NCOA5: variants seen among roughly 807,000 people sequenced by gnomAD.
NCOA5 encodes the protein nuclear receptor coactivator 5, also known as NCoA-5.
Under a neutral mutation model 59.0 loss-of-function variants are expected in NCOA5, and 12 were observed. The observed-to-expected ratio is 0.20, with a 90% confidence interval of 0.13 to 0.33. The LOEUF (loss-of-function observed/expected upper bound fraction) is 0.33. Among genes scored for constraint, NCOA5 ranks in the 10% least tolerant of loss-of-function variants. The probability of loss-of-function intolerance (pLI) is 1.00; values close to 1 mark genes in which losing one functional copy is unlikely to be tolerated. For missense variants in NCOA5, 655 were observed against 766.6 expected, an observed-to-expected ratio of 0.85 and a Z score of 1.72; for synonymous variants, 270 against 275.5, an observed-to-expected ratio of 0.98 and a Z score of 0.20.
At chr20:46,081,674 A>G (rs748887179) in intron 1 of NCOA5, among the ~76,000 whole-genome samples, 7 of 152,074 alleles carry the variant, frequency 4.6e-5, no homozygotes, top group Admixed American at 6.6e-5. Flanking sequence ...GGTTTAGTAA[A>G]CTTTTAGTGT....
intron 2 of NCOA5, among the ~76,000 whole-genome samples, chr20:46,071,372 C>T (rs144946883): frequency 6.6e-6 from 1 of 152,294 alleles, no homozygotes; most frequent in East Asian, 1.9e-4. Flanking sequence ...GTTTTAAGTT[C>T]TTGAATATTA....
At chr20:46,089,618 G>A (rs1033749712) in intron 1 of NCOA5, among the ~76,000 whole-genome samples, 199 bp downstream of exon 1, 15 of 151,938 alleles carry the variant, frequency 9.9e-5, no homozygotes, top group African/African-American at 3.1e-4. Context: ...GGCCGGGCCT[G>A]GGCCTGACGG....
At position 46,063,511 on chromosome 20, in the gene NCOA5, T is replaced by A; in HGVS notation, c.999A>T (p.Gly333=). The change falls in exon 7 of 8, where the codon GGA becomes GGT. Residue 333 remains glycine, a synonymous_variant. Coordinates refer to ENST00000290231, the MANE Select transcript of NCOA5 (RefSeq NM_020967.3). ...QERERGGPEE[G]VRGGHPPAIQ... ...TGGCTGGAGGGTGGCCCCCACGCAC[T>A]CCCTCCTCAGGGCCTCCTCTCTCTC... The A allele has an allele frequency of 6.2e-7, 1 of 1,614,158 alleles. No individual in the cohort carries two copies.
chr20:46,082,754 G>A (rs1476386473), intron 1 of NCOA5, among the ~76,000 whole-genome samples: 1 of 152,056 alleles, frequency 6.6e-6, no homozygotes. Flanking sequence ...TCTCAGTTAA[G>A]AATTTTTAGA....
At chr20:46,066,789 A>G (rs1286437778) in intron 5 of NCOA5, among the ~76,000 whole-genome samples, 1 of 152,208 alleles carries the variant, frequency 6.6e-6, no homozygotes, top group African/African-American at 2.4e-5. Flanking sequence ...AGAGACTAAC[A>G]CAGAGACCAA....
At position 46,067,156 on chromosome 20, in the gene NCOA5, A is replaced by T. The variant is rs1568878486; in HGVS notation, c.528T>A (p.Arg176=). The T allele has an allele frequency of 6.2e-7, 1 of 1,613,984 alleles. No homozygotes were observed. ...AATATTGACGATAAAGCTCTTCTCT[A>T]CGCCGTTCCTCACGTTTCAAACGCT... ...AKERLKREER[R]REELYRQYFE... The change falls in exon 5 of 8, where the codon CGT becomes CGA. Residue 176 remains arginine (R), a synonymous_variant. Transcript: ENST00000290231.
At chr20:46,080,404 T>C (rs1273779856) in intron 1 of NCOA5, among the ~76,000 whole-genome samples, 1 of 152,206 alleles carries the variant, frequency 6.6e-6, no homozygotes, top group East Asian at 1.9e-4. Flanking sequence ...ATAAAAGTGC[T>C]TTCTGCTGCA....
chr20:46,081,778 T>C (rs1022390160), intron 1 of NCOA5, among the ~76,000 whole-genome samples: 4 of 152,042 alleles, frequency 2.6e-5, no homozygotes, highest in African/African-American at 7.2e-5. Flanking sequence ...CTGGATTTTT[T>C]TTTTTTTCCT....
At chr20:46,072,467 TG>T (rs2084892498) in intron 2 of NCOA5, among the ~76,000 whole-genome samples, 1 of 152,208 alleles carries the variant, frequency 6.6e-6, no homozygotes, top group African/African-American at 2.4e-5. Flanking sequence ...ACCAAGTAGC[TG>T]GAACTACAGA....
chr20:46,075,856 A>C (rs1035073700), intron 2 of NCOA5, among the ~76,000 whole-genome samples: 6 of 152,248 alleles, frequency 3.9e-5, no homozygotes, highest in African/African-American at 1.4e-4. Flanking sequence ...TTAGATGATA[A>C]GAATTCAGGC....
chr20:46,087,422 C>T (rs1057240518), intron 1 of NCOA5, among the ~76,000 whole-genome samples: 3 of 152,166 alleles, frequency 2.0e-5, no homozygotes, highest in African/African-American at 7.2e-5. Flanking sequence ...AGTTTCAAAC[C>T]AATAAATCTT....
In NCOA5 at chr20:46,062,896, G is replaced by T. The variant is rs1469274439; in HGVS notation, c.1151-7C>A. On this transcript the variant is annotated splice_region_variant and splice_polypyrimidine_tract_variant and intron_variant, in intron 7 of 7. Coordinates refer to ENST00000290231, the MANE Select transcript of NCOA5 (RefSeq NM_020967.3). The stretch of plus-strand genomic sequence containing the variant: ...GGTTGGCGGGAAATCGGGCCTGGAA[G>T]ACAGAAGAGGGAGGTATCTGGTTCA... 2 of 1,512,094 alleles carry T rather than the reference G, an allele frequency of 1.3e-6. No individual in the cohort carries two copies. Among genetic ancestry groups the T allele is most frequent in the Non-Finnish European group, 1.8e-6 (2 of 1,133,252 alleles). The allele number at this position is 1,512,094 out of a possible 1,614,324, so 93.7% of individuals were successfully genotyped here. A position where few individuals can be genotyped will look rare whatever the true frequency, so the allele number is the denominator to read the frequency against.
At position 46,064,897 on chromosome 20, in the gene NCOA5, T is replaced by A. The variant is rs1465465368; in HGVS notation, c.829+132A>T. On this transcript the variant is annotated intron_variant, in intron 6 of 7. Coordinates refer to ENST00000290231, the MANE Select transcript of NCOA5 (RefSeq NM_020967.3). ...GTGACTATGCAAGACTCTTCCATGG[T>A]ACTTAAGAGAGGGGCCCTACCATAT... 4 of 807,064 alleles carry A rather than the reference T, an allele frequency of 5.0e-6. No individual in the cohort carries two copies. The African/African-American group carries it at 6.8e-5, about 14-fold the overall frequency. The allele number at this position is 807,064 out of a possible 1,614,324, so 50.0% of individuals were successfully genotyped here.
chr20:46,074,877 G>T (rs1196565912), intron 2 of NCOA5, among the ~76,000 whole-genome samples: 1 of 152,180 alleles, frequency 6.6e-6, no homozygotes, highest in Non-Finnish European at 1.5e-5. Context: ...CGGTCAGGGA[G>T]GAAGACCCCT....
At chr20:46,063,714 C>T (rs1250755114) in intron 6 of NCOA5, 34 bp from the exon 7 acceptor site, 3 of 1,591,970 alleles carry the variant, frequency 1.9e-6, no homozygotes, top group Non-Finnish European at 1.7e-6. Context: ...TATTTTCTTC[C>T]ATGACATATT....
rs759564085 is a variant in NCOA5 at position 46,067,046 on chromosome 20, G to C, written c.629+9C>G. ...TCCTTACTGGGGAGAAATATCTAAG[G>C]GTTCTTACTTTGTCTGTTTGTTGAC... is the stretch of plus-strand genomic sequence containing the variant. On this transcript the variant is annotated intron_variant, in intron 5 of 7. Coordinates refer to ENST00000290231, the MANE Select transcript of NCOA5 (RefSeq NM_020967.3). 1 of 1,612,668 alleles carries C rather than the reference G, an allele frequency of 6.2e-7. No homozygotes were observed. The highest frequency in any genetic ancestry group is 8.5e-7 in the Non-Finnish European group (1 of 1,179,588).
At chr20:46,069,570 T>C (rs1043002327) in intron 3 of NCOA5, among the ~76,000 whole-genome samples, 21 of 152,120 alleles carry the variant, frequency 1.4e-4, no homozygotes, top group African/African-American at 5.1e-4. Flanking sequence ...ACTCCACGTC[T>C]ATACAAAAAA....
Position 46,088,778 on chromosome 20 carries a change from T to C in NCOA5, c.-30+1039A>G, listed in dbSNP as rs560221894. ...CTGCTTTGCCTCAGGAAAAATTCTG[T>C]GCACAGAGTGCAAGCCAGAAGAACC... On this transcript the variant is annotated intron_variant, in intron 1 of 7. Coordinates refer to ENST00000290231, the MANE Select transcript of NCOA5 (RefSeq NM_020967.3). 1.7e-4 allele frequency among the ~76,000 whole-genome samples: 26 copies of C among 152,374 alleles called. No individual in the cohort carries two copies. The East Asian group carries it at 4.6e-3, about 27-fold the overall frequency.
intron 3 of NCOA5, among the ~76,000 whole-genome samples, chr20:46,069,734 G>GA (rs5841618): frequency 0.2 from 27,650 of 141,064 alleles, 2,656 homozygotes; most frequent in South Asian, 0.3. Context: ...TTGTCTCAAA[G>GA]AAAAAAAAAA....
Sources: gnomAD v4.1 joint callset for allele counts (sites outside exome capture counted in the v4.1 genomes callset) on GRCh38, gnomAD v4.1.1 for gene constraint, MANE v1.5 for transcripts, NCBI Gene and HGNC (gene_info 2026-07-23, HGNC 2026-07-21) for gene names.